GPM6A: variants seen among roughly 807,000 people sequenced by gnomAD.
GPM6A encodes glycoprotein M6A.
GPM6A carries 7 observed loss-of-function variants against 32.1 expected under a neutral mutation model. The ratio of observed to expected loss-of-function variants is 0.22; its 90% CI spans 0.12 to 0.41. The LOEUF (loss-of-function observed/expected upper bound fraction) is 0.41. GPM6A is among the 10% of genes least tolerant of loss of function. The pLI is 1.00. For synonymous variants in GPM6A, 130 were observed against 123.4 expected (o/e 1.05, Z -0.35); for missense variants, 235 against 347.2 (o/e 0.68, Z 2.57).
At chr4:175,715,962 G>C (rs1745821493) in intron 1 of GPM6A, among the ~76,000 whole-genome samples, 2 of 152,126 alleles carry the variant, frequency 1.3e-5, no homozygotes, top group African/African-American at 4.8e-5. Flanking sequence ...CTACGTGGGA[G>C]GCTGAGGCAG....
intron 1 of GPM6A, among the ~76,000 whole-genome samples, chr4:175,862,139 A>G (rs988545548): frequency 7.2e-5 from 11 of 152,212 alleles, no homozygotes; most frequent in African/African-American, 1.9e-4. Flanking sequence ...GGCTGAGGCT[A>G]TAAGTTCCCT....
intron 1 of GPM6A, among the ~76,000 whole-genome samples, chr4:175,898,265 A>G (rs919290874): frequency 3.3e-5 from 5 of 152,146 alleles, no homozygotes; most frequent in Admixed American, 3.3e-4. Context: ...GTGGTTCATC[A>G]CTGAATGGAT....
intron 1 of GPM6A, among the ~76,000 whole-genome samples, chr4:175,942,011 TTC>T (rs1189935788): frequency 2.0e-5 from 3 of 152,214 alleles, no homozygotes; most frequent in Non-Finnish European, 4.4e-5. Context: ...GTAAAAGTGT[TTC>T]TATTTCTCCA....
At chr4:175,776,206 A>G (rs1265522510) in intron 1 of GPM6A, among the ~76,000 whole-genome samples, 1 of 152,196 alleles carries the variant, frequency 6.6e-6, no homozygotes, top group African/African-American at 2.4e-5. Context: ...AAAAATTTCA[A>G]TTCAATATTA....
At chr4:175,710,846 C>T (rs2111089477) in intron 1 of GPM6A, among the ~76,000 whole-genome samples, 1 of 152,226 alleles carries the variant, frequency 6.6e-6, no homozygotes, top group Admixed American at 6.5e-5. Context: ...TCACAGAGTC[C>T]TTTAGAGTCC....
chr4:175,794,772 G>T (rs1258371114), intron 1 of GPM6A, among the ~76,000 whole-genome samples: 4 of 152,144 alleles, frequency 2.6e-5, no homozygotes, highest in African/African-American at 9.7e-5. Context: ...GTGAGGGCAT[G>T]CTGAGAGACT....
chr4:175,671,451 C>T lies in GPM6A; in HGVS notation c.387+2229G>A, dbSNP rs76687273. ...TTCACTTTGAACATAATAAAGTAGA[C>T]CGTAAGATACAATCTGCCTACAAAC... is the stretch of plus-strand genomic sequence containing the variant. On this transcript the variant is annotated intron_variant, in intron 3 of 6. Coordinates refer to ENST00000393658, the MANE Select transcript of GPM6A (RefSeq NM_201591.3). Among the ~76,000 whole-genome samples, 429 of 56,468 alleles carry T rather than the reference C, an allele frequency of 7.6e-3. 18 individuals are homozygous for T. The East Asian group carries it at 0.16, about 21-fold the overall frequency. 37.0% of individuals were successfully genotyped at this position (56,468 alleles called of 152,430 possible).
At chr4:175,860,045 G>C (rs913371989) in intron 1 of GPM6A, among the ~76,000 whole-genome samples, 4 of 151,986 alleles carry the variant, frequency 2.6e-5, no homozygotes, top group African/African-American at 9.7e-5. Flanking sequence ...TGCAGGGATA[G>C]GAGTGCTTAG....
chr4:175,824,156 T>C (rs1487597820), intron 1 of GPM6A, among the ~76,000 whole-genome samples: 2 of 152,200 alleles, frequency 1.3e-5, no homozygotes, highest in African/African-American at 4.8e-5. Context: ...GGCCCTGACA[T>C]ATGGTCTCTT....
chr4:175,655,077 T>A, intron 3 of GPM6A, among the ~76,000 whole-genome samples: 1 of 152,126 alleles, frequency 6.6e-6, no homozygotes, highest in East Asian at 1.9e-4. Flanking sequence ...CAATGAAAGG[T>A]CTAACTTCTG....
At chr4:175,724,170 T>G (rs1291981560) in intron 1 of GPM6A, among the ~76,000 whole-genome samples, 2 of 152,186 alleles carry the variant, frequency 1.3e-5, no homozygotes, top group Non-Finnish European at 2.9e-5. Context: ...TGGATGAACC[T>G]CAAGGCCACT....
intron 2 of GPM6A, among the ~76,000 whole-genome samples, chr4:175,679,555 A>G (rs149112902): frequency 8.9e-4 from 135 of 152,228 alleles, no homozygotes; most frequent in African/African-American, 3.2e-3. Context: ...ACCCCATCCA[A>G]TGATGAGTAT....
intron 3 of GPM6A, among the ~76,000 whole-genome samples, chr4:175,662,972 G>A (rs1742514823): frequency 6.6e-6 from 1 of 152,116 alleles, no homozygotes; most frequent in African/African-American, 2.4e-5. Context: ...AAGAACATAA[G>A]TGACAGAGTA....
chr4:175,985,057 T>C (rs1374612358), intron 1 of GPM6A, among the ~76,000 whole-genome samples: 3 of 152,212 alleles, frequency 2.0e-5, no homozygotes, highest in Non-Finnish European at 2.9e-5. Context: ...TCTTTTTCTT[T>C]TTCAGAATTA....
At chr4:175,879,429 G>T (rs1737196324) in intron 1 of GPM6A, among the ~76,000 whole-genome samples, 1 of 152,142 alleles carries the variant, frequency 6.6e-6, no homozygotes, top group African/African-American at 2.4e-5. Flanking sequence ...TCATGGAGGG[G>T]GAGGCCTCAG....
intron 1 of GPM6A, among the ~76,000 whole-genome samples, chr4:175,719,706 T>C (rs1746017010): frequency 6.6e-6 from 1 of 152,172 alleles, no homozygotes; most frequent in Non-Finnish European, 1.5e-5. Context: ...AAGGTACATT[T>C]GGAAATAGAG....
intron 1 of GPM6A, among the ~76,000 whole-genome samples, chr4:175,762,888 C>T (rs978622807): frequency 1.3e-5 from 2 of 151,930 alleles, no homozygotes; most frequent in East Asian, 1.9e-4. Context: ...TAGATTGACT[C>T]GTGGTTGCGC....
chr4:175,661,940 T>TA (rs1207135917), intron 3 of GPM6A, among the ~76,000 whole-genome samples: 3 of 152,034 alleles, frequency 2.0e-5, no homozygotes, highest in African/African-American at 7.2e-5. Context: ...TTAAAAATGT[T>TA]AAAAAAATGC....
intron 1 of GPM6A, among the ~76,000 whole-genome samples, chr4:175,965,096 TAAC>T (rs1396403287): frequency 2.6e-5 from 4 of 152,198 alleles, no homozygotes; most frequent in African/African-American, 9.6e-5. Context: ...CTACTTCATC[TAAC>T]AACAGCAGAC....
Sources: gnomAD v4.1 joint callset for allele counts (sites outside exome capture counted in the v4.1 genomes callset) on GRCh38, gnomAD v4.1.1 for gene constraint, MANE v1.5 for transcripts, NCBI Gene and HGNC (gene_info 2026-07-23, HGNC 2026-07-21) for gene names.